The following P2RY8 variants were observed in gnomAD, a reference collection of about 807,000 sequenced individuals.
P2RY8 encodes S-geranylgeranyl-glutathione receptor P2RY8.
A neutral mutation model predicts 10.0 loss-of-function variants in P2RY8; 6 were observed. That is an observed-to-expected ratio of 0.60 (90% CI 0.33 to 1.19). The LOEUF is 1.19. Ranked by LOEUF, P2RY8 falls within the 50% of genes most tolerant of loss-of-function variation. The pLI, the probability that P2RY8 is intolerant of heterozygous loss-of-function variation, is 0.04. For synonymous variants in P2RY8, 276 were observed against 252.5 expected, an observed-to-expected ratio of 1.09 and a Z score of -0.88; for missense variants, 456 against 542.0, an observed-to-expected ratio of 0.84 and a Z score of 1.58.
At position 1,464,055 on chromosome X, in the gene P2RY8, C is replaced by T. The variant is rs1230238517; in HGVS notation, c.*1424G>A. 9 of 233,276 alleles carry T rather than the reference C, an allele frequency of 3.9e-5. No individual in the cohort carries two copies. Among genetic ancestry groups the T allele is most frequent in the South Asian group, 3.6e-4 (2 of 5,530 alleles). The allele number at this position is 233,276 out of a possible 1,614,324, so 14.5% of individuals were successfully genotyped here. On this transcript the variant is annotated 3_prime_UTR_variant, in exon 2 of 2. Coordinates refer to ENST00000381297, the MANE Select transcript of P2RY8 (RefSeq NM_178129.5). ...GAGAGAGGCACCAATAGAGGGCCTCCGAACAGCAGCTTCAGCCTCCATCAG... is the reference window on the plus strand; with the variant it reads ...GAGAGAGGCACCAATAGAGGGCCTCTGAACAGCAGCTTCAGCCTCCATCAG...
intron 1 of P2RY8, among the ~76,000 whole-genome samples, chrX:1,492,535 G>A (rs2092063757): frequency 6.6e-6 from 1 of 152,108 alleles, no homozygotes. Flanking sequence ...GGGCTGAAAC[G>A]TGGGAAGAGA....
At chrX:1,486,369 G>A (rs1317337117) in intron 1 of P2RY8, among the ~76,000 whole-genome samples, 3 of 152,172 alleles carry the variant, frequency 2.0e-5, no homozygotes, top group Non-Finnish European at 4.4e-5. Context: ...GCACACAGTG[G>A]AATAGTATAC....
At chrX:1,496,614 C>T (rs1379408479) in intron 1 of P2RY8, among the ~76,000 whole-genome samples, 1 of 151,886 alleles carries the variant, frequency 6.6e-6, no homozygotes, top group Non-Finnish European at 1.5e-5. Flanking sequence ...TTCAGTCAGC[C>T]GCGGCTTCAG....
At position 1,464,099 on chromosome X, in the gene P2RY8, A is replaced by G. The variant is rs2091627086; in HGVS notation, c.*1380T>C. ...CCATCAGCGTCCCCAGTGCACAGAA[A>G]GGGAGGGGCCGGGCATCCAAGGCCA... On this transcript the variant is annotated 3_prime_UTR_variant, in exon 2 of 2. Transcript: ENST00000381297. The G allele has an allele frequency of 4.3e-6, 1 of 233,202 alleles. No homozygotes were observed. 14.4% of individuals were successfully genotyped at this position (233,202 alleles called of 1,614,324 possible). A position where few individuals can be genotyped will look rare whatever the true frequency, so the allele number is the denominator to read the frequency against.
In P2RY8 at chrX:1,466,139, C is replaced by G. The variant is rs764992148; in HGVS notation, c.420G>C (p.Ala140=). ...SSKRWRRRRY[A]VAACAGTWLL... The stretch of plus-strand genomic sequence containing the variant: ...GCCAGGTCCCTGCACACGCGGCCAC[C>G]GCGTAACGACGGCGGCGCCAGCGCT... Residue 140 remains alanine (A), a synonymous_variant, in exon 2 of 2, where the codon GCG becomes GCC. Transcript: ENST00000381297. 6 of 1,611,564 alleles carry G rather than the reference C, an allele frequency of 3.7e-6. No homozygotes were observed. The highest frequency in any genetic ancestry group is 1.7e-5 in the Admixed American group (1 of 59,694).
rs1347618239 is a variant in P2RY8, at chrX:1,465,295, C to A, written c.*184G>T. The A allele has an allele frequency of 3.3e-5, 32 of 972,414 alleles. No individual in the cohort carries two copies. Among genetic ancestry groups the A allele is most frequent in the Non-Finnish European group, 4.4e-5 (30 of 678,036 alleles). The allele number at this position is 972,414 out of a possible 1,614,324, so 60.2% of individuals were successfully genotyped here. A position where few individuals can be genotyped will look rare whatever the true frequency, so the allele number is the denominator to read the frequency against. ...CTACCCTGAGTGAAGCCTGGAGACC[C>A]TTCCTCACCGGTGCCTCTGCAGTGC... On this transcript the variant is annotated 3_prime_UTR_variant, in exon 2 of 2. Coordinates refer to ENST00000381297, the MANE Select transcript of P2RY8 (RefSeq NM_178129.5).
chrX:1,508,704 T>TCCATCCATCCATCCATCCATCCATCCA (rs1201683452), intron 1 of P2RY8, among the ~76,000 whole-genome samples: 1 of 111,974 alleles, frequency 8.9e-6, no homozygotes, highest in African/African-American at 3.4e-5. Flanking sequence ...CATCCATCCA[T>TCCATCCATCCATCCATCCATCCATCCA]TCTATCTATC....
intron 1 of P2RY8, among the ~76,000 whole-genome samples, chrX:1,475,604 G>A (rs1475573627): frequency 3.3e-5 from 5 of 151,554 alleles, no homozygotes; most frequent in Non-Finnish European, 7.4e-5. Flanking sequence ...AAAGAAATTA[G>A]AGAAAGCGTC....
intron 1 of P2RY8, among the ~76,000 whole-genome samples, chrX:1,498,405 CAAAAAAAAAAAA>C (rs1175667773): frequency 1.4e-5 from 1 of 70,630 alleles, no homozygotes; most frequent in East Asian, 3.1e-4. Flanking sequence ...GACTCTGTCT[CAAAAAAAAAAAA>C]AAAAAAGAAA....
intron 1 of P2RY8, among the ~76,000 whole-genome samples, chrX:1,475,942 T>A (rs2091868107): frequency 6.6e-6 from 1 of 152,124 alleles, no homozygotes; most frequent in East Asian, 1.9e-4. Flanking sequence ...CCTGCCATGG[T>A]TGCATTGAAC....
At chrX:1,483,250 C>G (rs138301750) in intron 1 of P2RY8, among the ~76,000 whole-genome samples, 6,410 of 152,134 alleles carry the variant, frequency 0.042, 444 homozygotes, top group African/African-American at 0.15. Flanking sequence ...GAGAAAGATC[C>G]CTGGAGAAGA....
At chrX:1,504,975 A>T (rs192649254) in intron 1 of P2RY8, among the ~76,000 whole-genome samples, 3 of 152,164 alleles carry the variant, frequency 2.0e-5, no homozygotes, top group African/African-American at 7.2e-5. Flanking sequence ...TACTAAAAAA[A>T]ATACAAAAAT....
intron 1 of P2RY8, among the ~76,000 whole-genome samples, chrX:1,504,172 T>C (rs1176005851): frequency 5.3e-5 from 8 of 151,474 alleles, no homozygotes; most frequent in Middle Eastern, 3.2e-3. Flanking sequence ...AAAAATTAGC[T>C]GGGCGTAGTT....
chrX:1,479,842 A>T lies in P2RY8; in HGVS notation c.-24-13260T>A, dbSNP rs140421281. On this transcript the variant is annotated intron_variant, in intron 1 of 1. Transcript: ENST00000381297. ...TACAGATCCCATGGACATTAAAAAG[A>T]TCATAAAGAAATATTATAAACAATT... Among the ~76,000 whole-genome samples the T allele has an allele frequency of 3.5e-3, 537 of 152,336 alleles. 2 individuals carry two copies. The highest frequency in any genetic ancestry group is 0.013 in the African/African-American group (522 of 41,576).
intron 1 of P2RY8, among the ~76,000 whole-genome samples, chrX:1,484,986 CTTTTTTTTT>C (rs773650240): frequency 3.7e-5 from 3 of 81,420 alleles, no homozygotes; most frequent in African/African-American, 1.3e-4. Flanking sequence ...GTAATAATGT[CTTTTTTTTT>C]TTTTTTTTTT....
intron 1 of P2RY8, among the ~76,000 whole-genome samples, chrX:1,488,090 A>G (rs1479294226): frequency 2.5e-4 from 38 of 150,948 alleles, no homozygotes; most frequent in African/African-American, 8.5e-4. Context: ...AGCCTGGCCA[A>G]CAAGAGCAAA....
intron 1 of P2RY8, 128 bp from the exon 2 acceptor site, chrX:1,466,710 T>TTCTC: frequency 1.6e-6 from 1 of 616,256 alleles, no homozygotes; most frequent in Non-Finnish European, 2.8e-6. Flanking sequence ...GCCTGCTGTC[T>TTCTC]CCTCCCTCCC....
At position 1,466,247 on chromosome X, in the gene P2RY8, G is replaced by C. The variant is rs1425189992; in HGVS notation, c.312C>G (p.Tyr104Ter). The C allele has an allele frequency of 6.2e-7, 1 of 1,613,688 alleles. No homozygotes were observed. The highest frequency in any genetic ancestry group is 8.5e-7 in the Non-Finnish European group (1 of 1,179,764). ...LLCNVVTVAF[Y>*]ANMYSSILTM... Reference sequence around the variant, plus strand: ...TGAGGATGCTGGAATACATGTTTGCGTAAAAGGCCACGGTCACCACGTTGC... The same window carrying C: ...TGAGGATGCTGGAATACATGTTTGCCTAAAAGGCCACGGTCACCACGTTGC... The change falls in exon 2 of 2, where the codon TAC becomes TAG. Residue 104 changes from tyrosine (Y) to a stop codon, truncating the protein, a stop_gained. Transcript: ENST00000381297. LOFTEE classifies it high-confidence loss of function.
chrX:1,478,856 A>G (rs4933158), intron 1 of P2RY8, among the ~76,000 whole-genome samples: 81,276 of 151,542 alleles, frequency 0.54, 22,045 homozygotes, highest in South Asian at 0.65. Flanking sequence ...TGGTGCAAAG[A>G]CTATCATGGA....
Sources: allele counts gnomAD v4.1 joint callset (sites outside exome capture counted in the v4.1 genomes callset), GRCh38; gene constraint gnomAD v4.1.1; transcripts MANE v1.5; gene names NCBI Gene and HGNC (gene_info 2026-07-23, HGNC 2026-07-21).